KEL: variants seen among roughly 807,000 people sequenced by gnomAD.
KEL encodes the protein Kell metallo-endopeptidase (Kell blood group).
A neutral mutation model predicts 99.5 loss-of-function variants in KEL; 96 were observed. That is an observed-to-expected ratio of 0.97 (90% CI 0.82 to 1.14). KEL has a LOEUF of 1.14. Ranked by LOEUF, KEL falls within the 50% of genes most tolerant of loss-of-function variation. The pLI is 0.00. For missense variants in KEL, 926 were observed against 924.2 expected (o/e 1.00, Z -0.03); for synonymous variants, 355 against 354.8 (o/e 1.00, Z -0.01).
At chr7:142,950,094 A>G (rs1372775819) in intron 10 of KEL, among the ~76,000 whole-genome samples, 1 of 152,246 alleles carries the variant, frequency 6.6e-6, no homozygotes, top group Non-Finnish European at 1.5e-5. Flanking sequence ...ATCAAGGCCA[A>G]ACTCTAGGTG....
chr7:142,950,428 C>G (rs1480725188), intron 10 of KEL, among the ~76,000 whole-genome samples: 1 of 152,304 alleles, frequency 6.6e-6, no homozygotes, highest in African/African-American at 2.4e-5. Context: ...ACCAGAGCCA[C>G]CAGGAGGATC....
At chr7:142,943,988 G>C in intron 13 of KEL, 105 bp from the exon 14 acceptor site, 1 of 910,152 alleles carries the variant, frequency 1.1e-6, no homozygotes, top group Non-Finnish European at 1.8e-6. Context: ...AGCCCTGACA[G>C]GCAGGCATCC....
chr7:142,951,914 T>A (rs966965412), intron 10 of KEL, among the ~76,000 whole-genome samples: 11 of 152,064 alleles, frequency 7.2e-5, no homozygotes, highest in African/African-American at 2.7e-4. Flanking sequence ...CAACTTGGGA[T>A]TTCAAGATTC....
At chr7:142,956,159 T>C (rs1289502212) in intron 6 of KEL, among the ~76,000 whole-genome samples, 1 of 152,166 alleles carries the variant, frequency 6.6e-6, no homozygotes, top group Non-Finnish European at 1.5e-5. Flanking sequence ...ATCAAAACAA[T>C]GGGATCACTG....
chr7:142,942,801 GT>G, intron 17 of KEL, 73 bp downstream of exon 17: 7 of 1,563,916 alleles, frequency 4.5e-6, no homozygotes, highest in African/African-American at 1.4e-5. Flanking sequence ...GTCAGGAATG[GT>G]GGAAGGAAAA....
chr7:142,947,283 T>A (rs1796558571), intron 10 of KEL, among the ~76,000 whole-genome samples: 1 of 152,102 alleles, frequency 6.6e-6, no homozygotes, highest in African/African-American at 2.4e-5. Context: ...TTCCTGTGAT[T>A]TTTTTACTTC....
At chr7:142,949,520 T>C (rs999365563) in intron 10 of KEL, among the ~76,000 whole-genome samples, 1 of 152,246 alleles carries the variant, frequency 6.6e-6, no homozygotes, top group Non-Finnish European at 1.5e-5. Context: ...TTAGTTTGTT[T>C]ATTGTCTTTC....
chr7:142,947,103 A>G (rs1796553507), intron 10 of KEL, among the ~76,000 whole-genome samples: 1 of 152,186 alleles, frequency 6.6e-6, no homozygotes, highest in South Asian at 2.1e-4. Context: ...CATGGCTTTA[A>G]AAACTTGACC....
At position 142,946,066 on chromosome 7, in the gene KEL, C is replaced by G. The variant is rs1586252432; in HGVS notation, c.1314+141G>C. 6 of 676,060 alleles carry G rather than the reference C, an allele frequency of 8.9e-6. No individual in the cohort carries two copies. In the East Asian group the frequency reaches 1.6e-4, roughly 18 times the overall value. 41.9% of individuals were successfully genotyped at this position (676,060 alleles called of 1,614,324 possible). On this transcript the variant is annotated intron_variant, in intron 11 of 18. Transcript: ENST00000355265. Reference sequence around the variant, plus strand: ...CAGGGATGGAGCAGGCCTTTGGGTTCCCTCTCTCAGTGGCCCTTCTCTGAC... The same window carrying G: ...CAGGGATGGAGCAGGCCTTTGGGTTGCCTCTCTCAGTGGCCCTTCTCTGAC...
intron 10 of KEL, chr7:142,946,584 A>T (rs980675454): frequency 2.2e-5 from 12 of 542,348 alleles, no homozygotes; most frequent in Non-Finnish European, 3.6e-5. Flanking sequence ...TCTAGGAGGC[A>T]TCATCCTGGG....
intron 15 of KEL, 56 bp downstream of exon 15, chr7:142,943,427 TAAC>T: frequency 6.2e-7 from 1 of 1,605,716 alleles, no homozygotes; most frequent in Non-Finnish European, 8.5e-7. Context: ...CCATCCATCA[TAAC>T]ACCTGTCGGC....
chr7:142,960,392 C>A (rs925106897), intron 4 of KEL, among the ~76,000 whole-genome samples: 1 of 152,004 alleles, frequency 6.6e-6, no homozygotes, highest in African/African-American at 2.4e-5. Context: ...AGGGGAGCTC[C>A]GGCATGGTGA....
rs1412196213 is a variant in KEL at position 142,954,244 on chromosome 7, G to T, written c.864C>A (p.Pro288=). The change falls in exon 8 of 19, where the codon CCC becomes CCA. Residue 288 remains proline (P), a synonymous_variant. Transcript: ENST00000355265. ...TGCCCTGTGCCCGCCGCTGCTCCAGGGGCCTCAGAAACTGGAACAGCCGTG... is the reference window on the plus strand; with the variant it reads ...TGCCCTGTGCCCGCCGCTGCTCCAGTGGCCTCAGAAACTGGAACAGCCGTG... ...ITSRLFQFLR[P]LEQRRAQGKL... The T allele has an allele frequency of 6.2e-7, 1 of 1,613,940 alleles. No homozygotes were observed. Among genetic ancestry groups the T allele is most frequent in the Admixed American group, 1.7e-5 (1 of 60,020 alleles).
At chr7:142,958,273 C>T in intron 5 of KEL, 31 bp downstream of exon 5, 1 of 1,613,934 alleles carries the variant, frequency 6.2e-7, no homozygotes, top group Non-Finnish European at 8.5e-7. Context: ...TGTTATGTAT[C>T]CAGAAAAGTT....
At chr7:142,954,788 A>C (rs899123566) in intron 6 of KEL, among the ~76,000 whole-genome samples, 8 of 152,210 alleles carry the variant, frequency 5.3e-5, no homozygotes, top group Non-Finnish European at 7.3e-5. Flanking sequence ...CATGATAATC[A>C]GCATCTTAAA....
At chr7:142,958,026 C>CG in intron 5 of KEL, 53 bp from the exon 6 acceptor site, 1 of 1,593,254 alleles carries the variant, frequency 6.3e-7, no homozygotes, top group Non-Finnish European at 8.6e-7. Context: ...GCCCATCCCC[C>CG]ATTGTCTGGA....
chr7:142,955,662 T>C (rs950513954), intron 6 of KEL, among the ~76,000 whole-genome samples: 1 of 152,182 alleles, frequency 6.6e-6, no homozygotes, highest in Admixed American at 6.5e-5. Flanking sequence ...TGAAGATCTT[T>C]GCTTCTACTC....
At chr7:142,944,819 C>A (rs748878189) in intron 11 of KEL, 78 bp from the exon 12 acceptor site, 5 of 1,182,512 alleles carry the variant, frequency 4.2e-6, no homozygotes, top group Non-Finnish European at 5.0e-6. Context: ...GCTTCTGACC[C>A]TTGGAAAAGG....
At chr7:142,958,603 G>A (rs1241852587) in intron 4 of KEL, among the ~76,000 whole-genome samples, 175 bp from the exon 5 acceptor site, 4 of 152,054 alleles carry the variant, frequency 2.6e-5, no homozygotes, top group Admixed American at 6.6e-5. Context: ...ATAACATTAC[G>A]AGACAAAGAA....
Sources: gnomAD v4.1 joint callset for allele counts (sites outside exome capture counted in the v4.1 genomes callset) on GRCh38, gnomAD v4.1.1 for gene constraint, MANE v1.5 for transcripts, NCBI Gene and HGNC (gene_info 2026-07-23, HGNC 2026-07-21) for gene names.